The following RNGTT variants were observed in gnomAD, a reference collection of about 807,000 sequenced individuals.
The protein encoded by RNGTT is RNA guanylyltransferase and 5'-phosphatase.
A neutral mutation model predicts 79.3 loss-of-function variants in RNGTT; 33 were observed. That is an observed-to-expected ratio of 0.42 (90% CI 0.32 to 0.56). The LOEUF (loss-of-function observed/expected upper bound fraction) is 0.56, where lower values mean the gene tolerates loss of function less well. RNGTT is among the 20% of genes least tolerant of loss of function. RNGTT has a pLI of 0.17. For synonymous variants in RNGTT, 222 were observed against 235.9 expected, an observed-to-expected ratio of 0.94 and a Z score of 0.54; for missense variants, 497 against 739.1, an observed-to-expected ratio of 0.67 and a Z score of 3.80.
chr6:88,790,403 C>G (rs777944296), intron 12 of RNGTT, among the ~76,000 whole-genome samples: 1 of 152,148 alleles, frequency 6.6e-6, no homozygotes, highest in African/African-American at 2.4e-5. Flanking sequence ...TGTGAAAAAG[C>G]TGAAGGCAGA....
chr6:88,632,335 T>C (rs1772921605), intron 14 of RNGTT, among the ~76,000 whole-genome samples: 1 of 152,138 alleles, frequency 6.6e-6, no homozygotes, highest in Admixed American at 6.6e-5. Context: ...TATGCCTCTT[T>C]GGGTGCAGAA....
chr6:88,649,464 C>T (rs867282896), intron 14 of RNGTT, among the ~76,000 whole-genome samples: 3 of 152,100 alleles, frequency 2.0e-5, no homozygotes, highest in East Asian at 3.9e-4. Context: ...TTTGGGAGGC[C>T]GAGGCGGTGG....
chr6:88,918,752 C>T (rs1784075678), intron 4 of RNGTT, among the ~76,000 whole-genome samples: 1 of 152,144 alleles, frequency 6.6e-6, no homozygotes, highest in Non-Finnish European at 1.5e-5. Context: ...ACTATAAACA[C>T]ATTTTTGTAT....
At chr6:88,897,894 G>A (rs1214748938) in intron 6 of RNGTT, among the ~76,000 whole-genome samples, 4 of 152,150 alleles carry the variant, frequency 2.6e-5, no homozygotes, top group Non-Finnish European at 5.9e-5. Flanking sequence ...AGAGTGTAAT[G>A]AGCTTCCATG....
intron 12 of RNGTT, among the ~76,000 whole-genome samples, chr6:88,771,981 C>T (rs1778699213): frequency 6.6e-6 from 1 of 152,014 alleles, no homozygotes; most frequent in Admixed American, 6.6e-5. Context: ...AGTTCGAGAT[C>T]AGCCTGGGCA....
At chr6:88,786,651 A>G (rs912606485) in intron 12 of RNGTT, among the ~76,000 whole-genome samples, 1 of 152,238 alleles carries the variant, frequency 6.6e-6, no homozygotes, top group African/African-American at 2.4e-5. Context: ...ACCTTAGAAA[A>G]TAGGTTTATA....
At chr6:88,960,243 T>C (rs1027685802) in intron 1 of RNGTT, among the ~76,000 whole-genome samples, 32 of 152,226 alleles carry the variant, frequency 2.1e-4, no homozygotes, top group African/African-American at 7.5e-4. Context: ...TAGCACAAAG[T>C]AGACATTTAA....
At position 88,904,767 on chromosome 6, in the gene RNGTT, T is replaced by C; in HGVS notation, c.632A>G (p.Glu211Gly). Residue 211 changes from glutamate to glycine, a missense_variant, in exon 6 of 16, where the codon GAA becomes GGA. Physicochemically the swap from Glu to Gly is moderately conservative, Grantham distance 98 (BLOSUM62 -2). Transcript: ENST00000369485. Reference protein sequence around the residue: ...DEDEDGKKESEPGSSASFGKR... With the variant: ...DEDEDGKKESGPGSSASFGKR... Reference sequence around the variant, plus strand: ...GCCAAAAGAAGCACTTGACCCGGGTTCTGATTCCTTCTTTCCATCCTCATC... The same window carrying C: ...GCCAAAAGAAGCACTTGACCCGGGTCCTGATTCCTTCTTTCCATCCTCATC... The C allele has an allele frequency of 6.2e-7, 1 of 1,614,146 alleles. No homozygotes were observed. The highest frequency in any genetic ancestry group is 8.5e-7 in the Non-Finnish European group (1 of 1,180,026).
intron 11 of RNGTT, among the ~76,000 whole-genome samples, chr6:88,821,485 CAAAG>C (rs1780495139): frequency 6.6e-6 from 1 of 151,570 alleles, no homozygotes; most frequent in African/African-American, 2.4e-5. Context: ...AAAAGAAGAA[CAAAG>C]AAAAGTATAA....
intron 12 of RNGTT, among the ~76,000 whole-genome samples, chr6:88,774,059 T>A (rs1430476907): frequency 6.6e-6 from 1 of 152,158 alleles, no homozygotes; most frequent in Non-Finnish European, 1.5e-5. Flanking sequence ...AAATTATACA[T>A]CTGATATAAA....
chr6:88,825,768 T>C (rs2127883623), intron 11 of RNGTT, among the ~76,000 whole-genome samples: 1 of 152,334 alleles, frequency 6.6e-6, no homozygotes, highest in South Asian at 2.1e-4. Flanking sequence ...ATATACAAAA[T>C]TGCTCTGATT....
chr6:88,901,394 C>T (rs1053980699), intron 6 of RNGTT, among the ~76,000 whole-genome samples: 1 of 151,084 alleles, frequency 6.6e-6, no homozygotes, highest in African/African-American at 2.4e-5. Context: ...TAAGAAATTA[C>T]CTTCAAAGAA....
chr6:88,754,492 A>G (rs1264744120), intron 13 of RNGTT, among the ~76,000 whole-genome samples: 2 of 152,138 alleles, frequency 1.3e-5, no homozygotes, highest in African/African-American at 2.4e-5. Flanking sequence ...GTAGACTGCC[A>G]CCACTTAGAG....
At chr6:88,704,334 A>G (rs1776058499) in intron 13 of RNGTT, among the ~76,000 whole-genome samples, 1 of 146,268 alleles carries the variant, frequency 6.8e-6, no homozygotes, top group African/African-American at 2.5e-5. Flanking sequence ...TTTAAATTTT[A>G]TGTATTTTAT....
At position 88,826,854 on chromosome 6, in the gene RNGTT, GTA is replaced by G. The variant is rs1554221332; in HGVS notation, c.1269+17501_1269+17502del. Among the ~76,000 whole-genome samples the G allele has an allele frequency of 6.9e-3, 950 of 138,254 alleles. 10 individuals carry two copies. The highest frequency in any genetic ancestry group is 0.022 in the African/African-American group (809 of 36,654). The allele number at this position is 138,254 out of a possible 152,430, so 90.7% of individuals were successfully genotyped here. The stretch of plus-strand genomic sequence containing the variant: ...TATATATATATATATATGTGTGTGT[GTA>G]TATATATATATATAATATACTATAA... On this transcript the variant is annotated intron_variant, in intron 11 of 15. Coordinates refer to ENST00000369485, the MANE Select transcript of RNGTT (RefSeq NM_003800.5).
Position 88,612,713 on chromosome 6 carries a change from C to A in RNGTT, c.*6G>T, listed in dbSNP as rs1488851660. 1 of 1,608,694 alleles carries A rather than the reference C, an allele frequency of 6.2e-7. No individual in the cohort carries two copies. The highest frequency in any genetic ancestry group is 2.2e-5 in the East Asian group (1 of 44,740). ...TTCTTCTTAACCCTCAAGTCACAGGCAGGTCTTAGGTTAAAGGGCGTGGTC... is the reference window on the plus strand; with the variant it reads ...TTCTTCTTAACCCTCAAGTCACAGGAAGGTCTTAGGTTAAAGGGCGTGGTC... On this transcript the variant is annotated 3_prime_UTR_variant, in exon 16 of 16. Transcript: ENST00000369485.
At chr6:88,776,374 C>A (rs2127846718) in intron 12 of RNGTT, among the ~76,000 whole-genome samples, 1 of 148,800 alleles carries the variant, frequency 6.7e-6, no homozygotes, top group African/African-American at 2.5e-5. Context: ...GGCTGGAGTG[C>A]AGTGGCGCAA....
At chr6:88,797,332 A>G (rs1418377096) in intron 12 of RNGTT, among the ~76,000 whole-genome samples, 3 of 152,336 alleles carry the variant, frequency 2.0e-5, no homozygotes, top group East Asian at 1.9e-4. Flanking sequence ...CAAAAGCTCC[A>G]TAAGTATAAG....
At chr6:88,834,174 T>C (rs570315411) in intron 11 of RNGTT, among the ~76,000 whole-genome samples, 1 of 152,324 alleles carries the variant, frequency 6.6e-6, no homozygotes, top group Admixed American at 6.5e-5. Context: ...AAATCTTTCA[T>C]AGAAATATTT....
Sources: gnomAD v4.1 joint callset for allele counts (sites outside exome capture counted in the v4.1 genomes callset) on GRCh38, gnomAD v4.1.1 for gene constraint, MANE v1.5 for transcripts, NCBI Gene and HGNC (gene_info 2026-07-23, HGNC 2026-07-21) for gene names.